Variants in MED13L observed in about 807,000 individuals in gnomAD.
MED13L encodes the protein mediator of RNA polymerase II transcription subunit 13-like.
In MED13L, 7 loss-of-function variants were observed where a neutral mutation model predicts 220.9. The observed-to-expected ratio is 0.03, with a 90% CI of 0.02 to 0.06. The LOEUF is 0.06. Among genes scored for constraint, MED13L ranks in the 10% least tolerant of loss-of-function variants. MED13L has a pLI of 1.00. For synonymous variants in MED13L, 1,011 were observed against 1,015.2 expected, an observed-to-expected ratio of 1.00 and a Z score of 0.08; for missense variants, 1,965 against 2,760.5, an observed-to-expected ratio of 0.71 and a Z score of 6.46.
At chr12:116,235,182 A>G (rs138329000) in intron 2 of MED13L, among the ~76,000 whole-genome samples, 53 of 152,290 alleles carry the variant, frequency 3.5e-4, no homozygotes, top group East Asian at 5.8e-4. Context: ...AGGTTGAACC[A>G]TACATTACCT....
intron 27 of MED13L, 115 bp from the exon 28 acceptor site, chr12:115,969,212 C>T: frequency 8.8e-7 from 1 of 1,141,236 alleles, no homozygotes; most frequent in Non-Finnish European, 1.3e-6. Context: ...CTATTATGGA[C>T]ACACACTGTT....
chr12:115,967,783 C>A (rs1876282526), intron 28 of MED13L, among the ~76,000 whole-genome samples: 1 of 152,088 alleles, frequency 6.6e-6, no homozygotes. Flanking sequence ...CAAATTAAAC[C>A]CAACTTTAAA....
chr12:115,961,200 G>A lies in MED13L; in HGVS notation c.*66C>T. On this transcript the variant is annotated 3_prime_UTR_variant, in exon 31 of 31. Transcript: ENST00000281928. ...GGATGTGGGTTATTTGCAGAGTGTA[G>A]CAGGTTCCTTGGACTGAGGTTGCAG... The A allele has an allele frequency of 6.3e-7, 1 of 1,585,320 alleles. No individual in the cohort carries two copies.
At chr12:116,200,763 A>C (rs903528333) in intron 2 of MED13L, among the ~76,000 whole-genome samples, 4 of 152,236 alleles carry the variant, frequency 2.6e-5, no homozygotes. Flanking sequence ...GAATTTTTTA[A>C]TGATTAAAAA....
intron 2 of MED13L, among the ~76,000 whole-genome samples, chr12:116,224,812 G>C (rs1313870556): frequency 6.6e-6 from 1 of 152,030 alleles, no homozygotes; most frequent in African/African-American, 2.4e-5. Flanking sequence ...CAAGTAGCTG[G>C]GACTGCAGGC....
intron 4 of MED13L, among the ~76,000 whole-genome samples, chr12:116,059,417 C>T (rs1381399129): frequency 7.3e-6 from 1 of 137,804 alleles, no homozygotes; most frequent in African/African-American, 2.6e-5. Context: ...TTATACCGTA[C>T]TTTTTTTTTT....
At chr12:116,270,849 T>A (rs1291417605) in intron 1 of MED13L, among the ~76,000 whole-genome samples, 1 of 151,550 alleles carries the variant, frequency 6.6e-6, no homozygotes, top group East Asian at 2.0e-4. Flanking sequence ...GAGACCATCC[T>A]GGCCAACATG....
intron 2 of MED13L, among the ~76,000 whole-genome samples, chr12:116,197,459 T>C (rs1196128055): frequency 1.3e-5 from 2 of 152,060 alleles, no homozygotes; most frequent in Non-Finnish European, 2.9e-5. Context: ...AAATGGGAGC[T>C]CCAACTGCTT....
intron 4 of MED13L, among the ~76,000 whole-genome samples, chr12:116,035,082 T>C (rs1217928653): frequency 2.0e-5 from 3 of 152,182 alleles, no homozygotes; most frequent in African/African-American, 7.2e-5. Context: ...CCTATCTTTG[T>C]GCCAGACACT....
intron 3 of MED13L, among the ~76,000 whole-genome samples, chr12:116,108,704 TA>T (rs1203011532): frequency 6.6e-6 from 1 of 152,216 alleles, no homozygotes; most frequent in South Asian, 2.1e-4. Flanking sequence ...CATTATTTTC[TA>T]AAAGAAAAGA....
In MED13L at chr12:116,125,644, T is replaced by G. The variant is rs139080578; in HGVS notation, c.311-14132A>C. 3.7e-3 allele frequency among the ~76,000 whole-genome samples: 557 copies of G among 152,336 alleles called. 3 individuals carry two copies. Among genetic ancestry groups the G allele is most frequent in the Non-Finnish European group, 6.7e-3 (454 of 68,032 alleles). On this transcript the variant is annotated intron_variant, in intron 2 of 30. Transcript: ENST00000281928. ...ACATCTATACAATTTCTACTGTCGG[T>G]GCCCAATCCATGTCTCTCTTATTTT...
At position 115,984,190 on chromosome 12, in the gene MED13L, G is replaced by C; in HGVS notation, c.4521C>G (p.Arg1507=). 1.9e-6 allele frequency: 3 copies of C among 1,613,734 alleles called. No homozygotes were observed. Among genetic ancestry groups the C allele is most frequent in the Non-Finnish European group, 2.5e-6 (3 of 1,179,952 alleles). The change falls in exon 20 of 31, where the codon CGC becomes CGG. Residue 1507 remains arginine, a synonymous_variant. Transcript: ENST00000281928. ...TAAATTCCCATTTACCTAGGTGATGGCGGCAAACTTGCGCATAAAGTTTGA... is the reference window on the plus strand; with the variant it reads ...TAAATTCCCATTTACCTAGGTGATGCCGGCAAACTTGCGCATAAAGTTTGA... ...SRLKLYAQVC[R]HHLAPYLATL...
chr12:116,204,472 C>T (rs1050825410), intron 2 of MED13L, among the ~76,000 whole-genome samples: 2 of 152,236 alleles, frequency 1.3e-5, no homozygotes, highest in Admixed American at 1.3e-4. Flanking sequence ...CATGGCAATT[C>T]TTACAACAAT....
intron 4 of MED13L, among the ~76,000 whole-genome samples, chr12:116,096,313 C>A (rs532060101): frequency 2.0e-4 from 26 of 127,422 alleles, no homozygotes; most frequent in Admixed American, 4.0e-4. Context: ...CAAGATGGCA[C>A]CACTGTACTC....
chr12:115,963,878 T>C (rs755650986), intron 29 of MED13L, among the ~76,000 whole-genome samples: 53 of 152,188 alleles, frequency 3.5e-4, no homozygotes, highest in Non-Finnish European at 5.1e-4. Flanking sequence ...TTTTCTGTTT[T>C]CATTTTCTTT....
In MED13L at chr12:116,111,448, C is replaced by G. The variant is rs1435904491; in HGVS notation, c.375G>C (p.Ala125=). ...SYECRTLLFK[A]IHNLLERCLM... ...CTTACCTTTCTAACAGATTGTGGAT[C>G]GCTTTGAAGAGCAGCGTCCTACATT... The change falls in exon 3 of 31, where the codon GCG becomes GCC. Residue 125 remains alanine, a synonymous_variant. Transcript: ENST00000281928. The G allele has an allele frequency of 1.2e-6, 2 of 1,611,540 alleles. No individual in the cohort carries two copies. The highest frequency in any genetic ancestry group is 1.7e-6 in the Non-Finnish European group (2 of 1,179,418).
chr12:115,962,311 A>G (rs1875819545), intron 30 of MED13L, among the ~76,000 whole-genome samples: 1 of 152,142 alleles, frequency 6.6e-6, no homozygotes, highest in African/African-American at 2.4e-5. Flanking sequence ...GAGTCTCATA[A>G]AGAGTACACA....
In MED13L at chr12:115,966,566, A is replaced by G. The variant is rs114251046; in HGVS notation, c.6226-323T>C. On this transcript the variant is annotated intron_variant, in intron 28 of 30. Coordinates refer to ENST00000281928, the MANE Select transcript of MED13L (RefSeq NM_015335.5). ...TGGAAAGATTACAATCTCTGACAGCAGAAGGCTCTACCACACGCAGGTGCT... is the reference window on the plus strand; with the variant it reads ...TGGAAAGATTACAATCTCTGACAGCGGAAGGCTCTACCACACGCAGGTGCT... Among the ~76,000 whole-genome samples, 1,135 of 152,338 alleles carry G rather than the reference A, an allele frequency of 7.5e-3. 22 individuals carry two copies. Among genetic ancestry groups the G allele is most frequent in the African/African-American group, 0.026 (1,069 of 41,572 alleles).
intron 23 of MED13L, among the ~76,000 whole-genome samples, chr12:115,976,879 G>A (rs1466179652): frequency 6.6e-6 from 1 of 152,202 alleles, no homozygotes; most frequent in Non-Finnish European, 1.5e-5. Flanking sequence ...TGTACTCACT[G>A]GCTAAGTGTG....
Sources: gnomAD v4.1 joint callset for allele counts (sites outside exome capture counted in the v4.1 genomes callset) on GRCh38, gnomAD v4.1.1 for gene constraint, MANE v1.5 for transcripts, NCBI Gene and HGNC (gene_info 2026-07-23, HGNC 2026-07-21) for gene names.